Variants in RBFOX1 observed in about 807,000 individuals in gnomAD.
RBFOX1 encodes the protein RNA binding protein fox-1 homolog 1.
RBFOX1 carries 8 observed loss-of-function variants against 57.7 expected under a neutral mutation model. The ratio of observed to expected loss-of-function variants is 0.14; its 90% CI spans 0.08 to 0.25. RBFOX1 has a LOEUF of 0.25. Ranked by LOEUF, RBFOX1 falls within the 10% of genes least tolerant of loss-of-function variation. RBFOX1 has a pLI of 1.00. For synonymous variants in RBFOX1, 326 were observed against 222.4 expected, an observed-to-expected ratio of 1.47 and a Z score of -4.15; for missense variants, 611 against 548.5, an observed-to-expected ratio of 1.11 and a Z score of -1.14.
At chr16:6,230,414 A>G (rs961502939) in intron 1 of RBFOX1, among the ~76,000 whole-genome samples, 3 of 152,180 alleles carry the variant, frequency 2.0e-5, no homozygotes, top group African/African-American at 7.2e-5. Flanking sequence ...TGATCACGCT[A>G]TTATTCTGTG....
At chr16:5,239,910 C>G (rs373972376) in exon 1 of RBFOX1, 16 of 1,240,282 alleles carry the variant, frequency 1.3e-5, no homozygotes, top group Non-Finnish European at 1.7e-5. Context: ...CCGGCAGCTC[C>G]GAAGCCACTG....
chr16:5,918,287 T>A (rs1320203518), intron 4 of RBFOX1, among the ~76,000 whole-genome samples: 1 of 152,130 alleles, frequency 6.6e-6, no homozygotes, highest in African/African-American at 2.4e-5. Flanking sequence ...GCCTGGCTAA[T>A]TTTTGTATTT....
intron 3 of RBFOX1, among the ~76,000 whole-genome samples, chr16:5,614,926 G>C (rs1294025329): frequency 6.6e-6 from 1 of 152,224 alleles, no homozygotes; most frequent in Non-Finnish European, 1.5e-5. Flanking sequence ...TTTGGTCCAT[G>C]AGCTGTGAGA....
chr16:7,534,686 G>A (rs951830749), intron 5 of RBFOX1, among the ~76,000 whole-genome samples: 2 of 152,102 alleles, frequency 1.3e-5, no homozygotes, highest in African/African-American at 2.4e-5. Context: ...GTATTTAGCC[G>A]GGGGAATGAC....
intron 4 of RBFOX1, among the ~76,000 whole-genome samples, chr16:5,893,217 G>A (rs1438801049): frequency 6.6e-6 from 1 of 152,160 alleles, no homozygotes; most frequent in East Asian, 1.9e-4. Context: ...AGCTTTGAAT[G>A]CCCAACACAT....
chr16:6,651,237 C>T (rs1350360822), intron 2 of RBFOX1, among the ~76,000 whole-genome samples: 1 of 152,206 alleles, frequency 6.6e-6, no homozygotes, highest in Non-Finnish European at 1.5e-5. Context: ...CTACACAACC[C>T]TGCACATCCA....
At chr16:7,189,019 C>T (rs1395444326) in intron 4 of RBFOX1, among the ~76,000 whole-genome samples, 1 of 152,052 alleles carries the variant, frequency 6.6e-6, no homozygotes, top group Admixed American at 6.5e-5. Flanking sequence ...AAGTCAAGAC[C>T]TTAAGGCATT....
intron 2 of RBFOX1, among the ~76,000 whole-genome samples, chr16:6,644,474 C>G (rs1033752868): frequency 6.6e-6 from 1 of 152,158 alleles, no homozygotes; most frequent in Non-Finnish European, 1.5e-5. Flanking sequence ...GATCATAAGC[C>G]GATTTGGGCT....
At chr16:5,909,590 G>T (rs537552853) in intron 4 of RBFOX1, among the ~76,000 whole-genome samples, 1 of 152,230 alleles carries the variant, frequency 6.6e-6, no homozygotes, top group African/African-American at 2.4e-5. Context: ...CTCTTATCCT[G>T]AGTATAAGTG....
At chr16:5,465,986 G>A (rs959807640) in intron 1 of RBFOX1, among the ~76,000 whole-genome samples, 1 of 152,186 alleles carries the variant, frequency 6.6e-6, no homozygotes, top group Non-Finnish European at 1.5e-5. Context: ...GATGGGACCA[G>A]TTGGTTTTGG....
At chr16:6,332,995 A>G (rs2083222987) in intron 2 of RBFOX1, among the ~76,000 whole-genome samples, 2 of 152,196 alleles carry the variant, frequency 1.3e-5, no homozygotes, top group South Asian at 4.2e-4. Flanking sequence ...ATTGTATTTT[A>G]TTATTGATCC....
At chr16:6,096,102 G>A (rs2096242430) in intron 1 of RBFOX1, among the ~76,000 whole-genome samples, 1 of 152,150 alleles carries the variant, frequency 6.6e-6, no homozygotes, top group Non-Finnish European at 1.5e-5. Context: ...AACAGAACAT[G>A]GCTTGTTCAT....
chr16:5,544,265 C>T (rs1381145257), intron 2 of RBFOX1, among the ~76,000 whole-genome samples: 1 of 152,118 alleles, frequency 6.6e-6, no homozygotes, highest in Non-Finnish European at 1.5e-5. Context: ...TGGAAATTGG[C>T]AACAGAAGGA....
chr16:6,971,355 A>C (rs1017551504), intron 3 of RBFOX1, among the ~76,000 whole-genome samples: 12 of 152,064 alleles, frequency 7.9e-5, no homozygotes, highest in African/African-American at 2.7e-4. Context: ...AGGCAGCAGG[A>C]ACAGATGACT....
At chr16:6,929,351 C>T (rs1449804369) in intron 3 of RBFOX1, among the ~76,000 whole-genome samples, 1 of 152,096 alleles carries the variant, frequency 6.6e-6, no homozygotes. Context: ...TGAATATAGG[C>T]AAGGTTAGAA....
In RBFOX1 at chr16:6,574,422, CTAT is replaced by C. The variant is rs1233606939; in HGVS notation, c.-63-80179_-63-80177del. ...TAGCAAGGGTTTCTGTCCGTATCTT[CTAT>C]TTTTTTTTTTTTTTTTTTTTTGAGA... is the stretch of plus-strand genomic sequence containing the variant. On this transcript the variant is annotated intron_variant, in intron 2 of 15. Coordinates refer to ENST00000550418, the MANE Select transcript of RBFOX1 (RefSeq NM_018723.4). 5.0e-3 allele frequency among the ~76,000 whole-genome samples: 486 copies of C among 96,536 alleles called. 5 individuals carry two copies. Among genetic ancestry groups the C allele is most frequent in the African/African-American group, 0.016 (463 of 28,408 alleles). 63.3% of individuals were successfully genotyped at this position (96,536 alleles called of 152,430 possible). A position where few individuals can be genotyped will look rare whatever the true frequency, so the allele number is the denominator to read the frequency against.
chr16:7,277,291 C>G (rs1209216792), intron 4 of RBFOX1, among the ~76,000 whole-genome samples: 1 of 152,040 alleles, frequency 6.6e-6, no homozygotes, highest in Non-Finnish European at 1.5e-5. Flanking sequence ...TCATGATATT[C>G]TACTGCAATG....
intron 3 of RBFOX1, among the ~76,000 whole-genome samples, chr16:6,795,650 C>G (rs187494838): frequency 3.4e-4 from 51 of 152,000 alleles, no homozygotes; most frequent in African/African-American, 1.2e-3. Context: ...CCTGTAATCC[C>G]AGCTACTTGG....
chr16:6,473,514 T>C (rs551976158), intron 2 of RBFOX1, among the ~76,000 whole-genome samples: 1 of 152,190 alleles, frequency 6.6e-6, no homozygotes, highest in East Asian at 1.9e-4. Flanking sequence ...CACTAGAACA[T>C]AAGCTACATG....
Sources: gnomAD v4.1 joint callset for allele counts (sites outside exome capture counted in the v4.1 genomes callset) on GRCh38, gnomAD v4.1.1 for gene constraint, MANE v1.5 for transcripts, NCBI Gene and HGNC (gene_info 2026-07-23, HGNC 2026-07-21) for gene names.